Variants in EHBP1 observed in about 807,000 individuals in gnomAD.
EHBP1 encodes the protein EH domain binding protein 1.
A neutral mutation model predicts 144.0 loss-of-function variants in EHBP1; 55 were observed. The observed-to-expected ratio is 0.38, with a 90% CI of 0.31 to 0.48. The LOEUF is 0.48. Ranked by LOEUF, EHBP1 falls within the 20% of genes least tolerant of loss-of-function variation. The probability of loss-of-function intolerance (pLI) is 0.98; values close to 1 mark genes in which losing one functional copy is unlikely to be tolerated. For missense variants in EHBP1, 1,200 were observed against 1,364.2 expected, an observed-to-expected ratio of 0.88 and a Z score of 1.90; for synonymous variants, 469 against 472.7, an observed-to-expected ratio of 0.99 and a Z score of 0.10.
intron 7 of EHBP1, among the ~76,000 whole-genome samples, chr2:62,854,303 A>G (rs915213739): frequency 1.3e-5 from 2 of 152,176 alleles, no homozygotes; most frequent in African/African-American, 4.8e-5. Context: ...TAAAAGTTTC[A>G]TGTGTTCACT....
intron 7 of EHBP1, among the ~76,000 whole-genome samples, chr2:62,837,864 G>T (rs2047420011): frequency 6.7e-6 from 1 of 150,098 alleles, no homozygotes; most frequent in African/African-American, 2.5e-5. Flanking sequence ...CCTACAAAGA[G>T]ACTTAGACTC....
chr2:62,967,701 T>A (rs1317731135), intron 14 of EHBP1, among the ~76,000 whole-genome samples: 1 of 152,130 alleles, frequency 6.6e-6, no homozygotes, highest in African/African-American at 2.4e-5. Context: ...TATAAAATGA[T>A]GAAAAGACAA....
At chr2:62,810,858 C>T (rs1235814504) in intron 5 of EHBP1, among the ~76,000 whole-genome samples, 1 of 152,104 alleles carries the variant, frequency 6.6e-6, no homozygotes, top group African/African-American at 2.4e-5. Flanking sequence ...CTTTTTGTTG[C>T]TTTCTTTTGG....
intron 5 of EHBP1, among the ~76,000 whole-genome samples, chr2:62,803,955 A>G (rs866127901): frequency 6.6e-6 from 1 of 152,234 alleles, no homozygotes; most frequent in Non-Finnish European, 1.5e-5. Context: ...AAATGGGAGT[A>G]GTAATACTAT....
At chr2:63,022,535 G>A (rs914604168) in intron 19 of EHBP1, among the ~76,000 whole-genome samples, 1 of 151,490 alleles carries the variant, frequency 6.6e-6, no homozygotes, top group African/African-American at 2.4e-5. Context: ...GGCTGATCTC[G>A]AACTCCTGAC....
chr2:63,020,652 T>C (rs1171845802), intron 19 of EHBP1, among the ~76,000 whole-genome samples: 1 of 151,936 alleles, frequency 6.6e-6, no homozygotes, highest in Non-Finnish European at 1.5e-5. Flanking sequence ...TTTAATTATT[T>C]ATTATTGTTT....
chr2:62,758,433 T>A (rs890781951), intron 3 of EHBP1, among the ~76,000 whole-genome samples: 1 of 152,192 alleles, frequency 6.6e-6, no homozygotes, highest in Non-Finnish European at 1.5e-5. Context: ...ATTGAGAGAA[T>A]AATTACCCTG....
intron 10 of EHBP1, among the ~76,000 whole-genome samples, chr2:62,886,704 G>C (rs1317498417): frequency 6.6e-6 from 1 of 152,086 alleles, no homozygotes; most frequent in African/African-American, 2.4e-5. Flanking sequence ...CCTTCAATCT[G>C]CTTTTACCTT....
chr2:62,839,426 T>C (rs1573634314), intron 7 of EHBP1, among the ~76,000 whole-genome samples: 1 of 141,826 alleles, frequency 7.1e-6, no homozygotes, highest in Non-Finnish European at 1.5e-5. Flanking sequence ...CTTTGAAAAC[T>C]GGCACAAGAC....
chr2:62,993,216 G>A (rs2059482453), intron 16 of EHBP1, among the ~76,000 whole-genome samples: 3 of 152,270 alleles, frequency 2.0e-5, no homozygotes, highest in Non-Finnish European at 4.4e-5. Context: ...TGTCATACAA[G>A]TCTGTGGGGC....
At position 62,714,146 on chromosome 2, in the gene EHBP1, G is replaced by A. The variant is rs145435254; in HGVS notation, c.104+6851G>A. Among the ~76,000 whole-genome samples the A allele has an allele frequency of 5.4e-3, 827 of 152,250 alleles. 4 individuals carry two copies. The highest frequency in any genetic ancestry group is 0.02 in the African/African-American group (811 of 41,536). ...ATATTCACACTTTGGGAGGGGCTGA[G>A]GTGGCAGGATCCCATGAACTCAGGA... On this transcript the variant is annotated intron_variant, in intron 2 of 22. Transcript: ENST00000431489.
intron 7 of EHBP1, chr2:62,858,358 A>G (rs1447969523): frequency 2.3e-6 from 3 of 1,311,900 alleles, no homozygotes; most frequent in Non-Finnish European, 3.3e-6. Flanking sequence ...CTTCTCTTTA[A>G]TTAAATGACC....
In EHBP1 at chr2:62,972,889, C is replaced by G. The variant is rs574837098; in HGVS notation, c.2461-6299C>G. ...ATCTTGCTACTTGAGAATTGAATTACAGCACACCTCTGGGCTAATGGTTAT... is the reference window on the plus strand; with the variant it reads ...ATCTTGCTACTTGAGAATTGAATTAGAGCACACCTCTGGGCTAATGGTTAT... On this transcript the variant is annotated intron_variant, in intron 14 of 22. Coordinates refer to ENST00000431489, the MANE Select transcript of EHBP1 (RefSeq NM_001142616.3). Among the ~76,000 whole-genome samples, 129 of 152,292 alleles carry G rather than the reference C, an allele frequency of 8.5e-4. 1 individual carries two copies. Among genetic ancestry groups the G allele is most frequent in the African/African-American group, 3.0e-3 (123 of 41,564 alleles).
intron 10 of EHBP1, among the ~76,000 whole-genome samples, chr2:62,889,047 C>CTTTTTTTTTTTTTTTTTTT (rs71410971): frequency 2.5e-5 from 1 of 39,678 alleles, no homozygotes; most frequent in Non-Finnish European, 4.3e-5. Context: ...GTAGGTACCT[C>CTTTTTTTTTTTTTTTTTTT]TTTTTTTTTT....
intron 19 of EHBP1, among the ~76,000 whole-genome samples, chr2:63,023,064 C>T (rs2060825746): frequency 6.6e-6 from 1 of 152,082 alleles, no homozygotes; most frequent in Non-Finnish European, 1.5e-5. Flanking sequence ...ATCCTAGCCA[C>T]AGAAGAGGCT....
chr2:62,993,881 G>A lies in EHBP1; in HGVS notation c.2883G>A (p.Arg961=). 6.4e-7 allele frequency: 1 copy of A among 1,558,640 alleles called. No homozygotes were observed. Among genetic ancestry groups the A allele is most frequent in the Non-Finnish European group, 8.7e-7 (1 of 1,152,230 alleles). Residue 961 remains arginine, a synonymous_variant, in exon 18 of 23, where the codon AGG becomes AGA. Transcript: ENST00000431489. The stretch of plus-strand genomic sequence containing the variant: ...TCTTTTTTTTTTAAGAGATGAAAAG[G>A]CAGAGATCAATACAGGAAGATACAA... The part of the protein sequence containing the change: ...QYIENRPEMK[R]QRSIQEDTKK...
intron 10 of EHBP1, among the ~76,000 whole-genome samples, chr2:62,931,191 C>T (rs1461995287): frequency 6.6e-6 from 1 of 152,122 alleles, no homozygotes; most frequent in Non-Finnish European, 1.5e-5. Context: ...AACCAAACAA[C>T]CCAGTTCAAA....
At chr2:62,682,999 G>A (rs2033584504) in intron 1 of EHBP1, among the ~76,000 whole-genome samples, 1 of 152,090 alleles carries the variant, frequency 6.6e-6, no homozygotes, top group Non-Finnish European at 1.5e-5. Flanking sequence ...GAAAAAAATG[G>A]CTATATTAGG....
chr2:62,783,755 G>GGGA (rs141514519), intron 5 of EHBP1, among the ~76,000 whole-genome samples: 3,790 of 152,314 alleles, frequency 0.025, 143 homozygotes, highest in East Asian at 0.096. Context: ...GGCCTGTGAT[G>GGGA]GGAGGGGCTG....
Sources: allele counts gnomAD v4.1 joint callset (sites outside exome capture counted in the v4.1 genomes callset), GRCh38; gene constraint gnomAD v4.1.1; transcripts MANE v1.5; gene names NCBI Gene and HGNC (gene_info 2026-07-23, HGNC 2026-07-21).